Variants in SEMA3C observed in about 807,000 individuals in gnomAD.
The protein encoded by SEMA3C is semaphorin-3C.
In SEMA3C, 47 loss-of-function variants were observed where a neutral mutation model predicts 89.4. The ratio of observed to expected loss-of-function variants is 0.53; its 90% CI spans 0.42 to 0.67. SEMA3C has a LOEUF of 0.67. Among genes scored for constraint, SEMA3C ranks in the 30% least tolerant of loss-of-function variants. The pLI is 0.00. For missense variants in SEMA3C, 839 were observed against 929.1 expected, an observed-to-expected ratio of 0.90 and a Z score of 1.26; for synonymous variants, 310 against 320.2, an observed-to-expected ratio of 0.97 and a Z score of 0.34.
intron 2 of SEMA3C, among the ~76,000 whole-genome samples, chr7:80,882,864 A>T (rs1418743645): frequency 6.6e-6 from 1 of 152,084 alleles, no homozygotes; most frequent in African/African-American, 2.4e-5. Context: ...ATAAAAATAG[A>T]CATATGAAAA....
chr7:80,880,293 A>G (rs1791302800), intron 2 of SEMA3C, among the ~76,000 whole-genome samples: 3 of 152,180 alleles, frequency 2.0e-5, no homozygotes, highest in South Asian at 4.1e-4. Context: ...TGTTTAAGAT[A>G]GTGAATAATT....
At position 80,895,966 on chromosome 7, in the gene SEMA3C, A is replaced by C. The variant is rs1347115260; in HGVS notation, c.103+20713T>G. Among the ~76,000 whole-genome samples, 2 of 152,080 alleles carry C rather than the reference A, an allele frequency of 1.3e-5. 1 individual carries two copies. Among genetic ancestry groups the C allele is most frequent in the Non-Finnish European group, 2.9e-5 (2 of 68,000 alleles). The stretch of plus-strand genomic sequence containing the variant: ...TTGTAGTTGCTCCTTAATTTGTTTC[A>C]CAATATTTTCTGAAATATTGTGAAA... On this transcript the variant is annotated intron_variant, in intron 2 of 17. Coordinates refer to ENST00000265361, the MANE Select transcript of SEMA3C (RefSeq NM_006379.5).
At chr7:80,844,340 A>G (rs1790340410) in intron 2 of SEMA3C, among the ~76,000 whole-genome samples, 1 of 152,216 alleles carries the variant, frequency 6.6e-6, no homozygotes, top group Non-Finnish European at 1.5e-5. Context: ...ATATTGAATC[A>G]AACATTTGTC....
At chr7:80,904,595 T>C (rs1019692045) in intron 2 of SEMA3C, among the ~76,000 whole-genome samples, 1 of 152,198 alleles carries the variant, frequency 6.6e-6, no homozygotes, top group Non-Finnish European at 1.5e-5. Context: ...TAAACTTTAA[T>C]TTTTAGTAAC....
chr7:80,829,309 T>C (rs566290769), intron 2 of SEMA3C, among the ~76,000 whole-genome samples: 1 of 152,182 alleles, frequency 6.6e-6, no homozygotes, highest in Non-Finnish European at 1.5e-5. Context: ...CAACTCTGTT[T>C]TATTACTGGA....
At chr7:80,913,920 G>T (rs1434748612) in intron 2 of SEMA3C, among the ~76,000 whole-genome samples, 5 of 152,166 alleles carry the variant, frequency 3.3e-5, no homozygotes, top group African/African-American at 4.8e-5. Flanking sequence ...TGCCTATGAT[G>T]CTTATTGCAC....
chr7:80,856,152 T>C (rs1790633850), intron 2 of SEMA3C, among the ~76,000 whole-genome samples: 1 of 152,124 alleles, frequency 6.6e-6, no homozygotes, highest in Admixed American at 6.6e-5. Flanking sequence ...GGGCTCACCA[T>C]AAATATGCAG....
chr7:80,768,811 T>C (rs543325665), intron 12 of SEMA3C, among the ~76,000 whole-genome samples: 12 of 152,202 alleles, frequency 7.9e-5, no homozygotes, highest in African/African-American at 2.9e-4. Context: ...TGTGTGTCAA[T>C]GACCACAGGC....
intron 2 of SEMA3C, among the ~76,000 whole-genome samples, chr7:80,877,009 T>C (rs1310101557): frequency 6.6e-6 from 1 of 152,162 alleles, no homozygotes; most frequent in East Asian, 1.9e-4. Flanking sequence ...ACATTCAGCT[T>C]TGTCCCACAA....
intron 2 of SEMA3C, among the ~76,000 whole-genome samples, chr7:80,879,856 G>A (rs775848197): frequency 3.9e-5 from 6 of 151,978 alleles, no homozygotes; most frequent in Non-Finnish European, 7.4e-5. Flanking sequence ...ACCTCTTCAG[G>A]GTGACATGGA....
At chr7:80,848,304 C>G (rs866030354) in intron 2 of SEMA3C, among the ~76,000 whole-genome samples, 2 of 152,164 alleles carry the variant, frequency 1.3e-5, no homozygotes, top group Non-Finnish European at 2.9e-5. Context: ...ACTGCAAGCT[C>G]TAATTTTTGA....
chr7:80,918,033 G>A (rs571069229), intron 1 of SEMA3C, among the ~76,000 whole-genome samples: 3 of 152,162 alleles, frequency 2.0e-5, no homozygotes, highest in Non-Finnish European at 4.4e-5. Flanking sequence ...CCACACAGAT[G>A]GAGGAAACTC....
At position 80,798,197 on chromosome 7, in the gene SEMA3C, T is replaced by C; in HGVS notation, c.1026A>G (p.Leu342=). The C allele has an allele frequency of 1.3e-6, 2 of 1,582,434 alleles. No homozygotes were observed. Among genetic ancestry groups the C allele is most frequent in the Non-Finnish European group, 8.6e-7 (1 of 1,167,700 alleles). The change falls in exon 11 of 18, where the codon TTA becomes TTG. Residue 342 remains leucine (L), a synonymous_variant. Transcript: ENST00000265361. ...FKGSAVCVYH[L]SDIQTVFNGP... ...CATTAAACACAGTCTGTATATCAGA[T>C]AAATGATACACACACACGGCTGATC...
At chr7:80,785,530 A>G (rs1414536804) in intron 12 of SEMA3C, among the ~76,000 whole-genome samples, 1 of 152,180 alleles carries the variant, frequency 6.6e-6, no homozygotes, top group African/African-American at 2.4e-5. Flanking sequence ...AGTTAGATAT[A>G]TAATGCTAGG....
chr7:80,810,630 G>A lies in SEMA3C; in HGVS notation c.519C>T (p.Asn173=). 10 of 1,613,604 alleles carry A rather than the reference G, an allele frequency of 6.2e-6. No individual in the cohort carries two copies. Among genetic ancestry groups the A allele is most frequent in the Non-Finnish European group, 8.5e-6 (10 of 1,179,584 alleles). ...KGRCSFNPNV[N]TVSVMINEEL... ...ACTTACTGATCATAACAGACACCGTGTTCACGTTGGGGTTGAAAGAGCAGC... is the reference window on the plus strand; with the variant it reads ...ACTTACTGATCATAACAGACACCGTATTCACGTTGGGGTTGAAAGAGCAGC... The change falls in exon 6 of 18, where the codon AAC becomes AAT. Residue 173 remains asparagine (N), a synonymous_variant. Transcript: ENST00000265361.
At chr7:80,850,157 T>C (rs892555526) in intron 2 of SEMA3C, among the ~76,000 whole-genome samples, 4 of 152,184 alleles carry the variant, frequency 2.6e-5, no homozygotes, top group African/African-American at 4.8e-5. Flanking sequence ...TTCCAAGATT[T>C]ATCAAAGACA....
chr7:80,882,609 C>T (rs1275051376), intron 2 of SEMA3C, among the ~76,000 whole-genome samples: 1 of 151,906 alleles, frequency 6.6e-6, no homozygotes, highest in African/African-American at 2.4e-5. Flanking sequence ...AACAGGCACA[C>T]TAGGGGCCAG....
intron 2 of SEMA3C, chr7:80,906,000 G>C: frequency 1.4e-6 from 1 of 738,764 alleles, no homozygotes. Context: ...AAGGAAGCTG[G>C]GTGAGTAGAG....
At chr7:80,794,917 G>A (rs778574803) in intron 11 of SEMA3C, among the ~76,000 whole-genome samples, 3 of 152,092 alleles carry the variant, frequency 2.0e-5, no homozygotes, top group Non-Finnish European at 4.4e-5. Flanking sequence ...TGGTGGGGTC[G>A]TTTGCTAACA....
Sources: allele counts gnomAD v4.1 joint callset (sites outside exome capture counted in the v4.1 genomes callset), GRCh38; gene constraint gnomAD v4.1.1; transcripts MANE v1.5; gene names NCBI Gene and HGNC (gene_info 2026-07-23, HGNC 2026-07-21).